The following RASIP1 variants were observed in gnomAD, a reference collection of about 807,000 sequenced individuals.
RASIP1 encodes Ras interacting protein 1, also known as ras-interacting protein 1.
A neutral mutation model predicts 85.3 loss-of-function variants in RASIP1; 20 were observed. That is an observed-to-expected ratio of 0.23 (90% CI 0.17 to 0.34). The LOEUF (loss-of-function observed/expected upper bound fraction) is 0.34. Among genes scored for constraint, RASIP1 ranks in the 10% least tolerant of loss-of-function variants. The pLI is 1.00. For synonymous variants in RASIP1, 617 were observed against 647.1 expected (o/e 0.95, Z 0.71); for missense variants, 1,170 against 1,390.9 (o/e 0.84, Z 2.53).
intron 3 of RASIP1, among the ~76,000 whole-genome samples, chr19:48,736,773 G>A (rs777017283): frequency 1.3e-5 from 2 of 152,162 alleles, no homozygotes; most frequent in African/African-American, 4.8e-5. Flanking sequence ...GGTGGCTCAC[G>A]CCTGTAATCC....
In RASIP1 at chr19:48,729,410, G is replaced by T. The variant is rs1296453000; in HGVS notation, c.1360C>A (p.Arg454=). Residue 454 remains arginine, a synonymous_variant, in exon 5 of 12, where the codon CGG becomes AGG. Coordinates refer to ENST00000222145, the MANE Select transcript of RASIP1 (RefSeq NM_017805.3). ...PEHPAMVRPS[R]GAPVTHNGCL... The stretch of plus-strand genomic sequence containing the variant: ...CCGTTGTGCGTGACTGGGGCGCCCC[G>T]GGACGGGCGCACCATGGCCGGGTGC... The T allele has an allele frequency of 1.3e-6, 2 of 1,557,036 alleles. No homozygotes were observed. Among genetic ancestry groups the T allele is most frequent in the Admixed American group, 3.9e-5 (2 of 51,572 alleles).
Position 48,720,920 on chromosome 19 carries a change from G to A in RASIP1, c.2770C>T (p.Pro924Ser). Reference protein sequence around the residue: ...LGSSRLRLTGPVTDDALHREL... With the variant: ...LGSSRLRLTGSVTDDALHREL... Reference sequence around the variant, plus strand: ...CGGTGCAAGGCATCGTCCGTCACTGGACCAGTGAGGCGCAGGCGCGAGCTC... The same window carrying A: ...CGGTGCAAGGCATCGTCCGTCACTGAACCAGTGAGGCGCAGGCGCGAGCTC... Residue 924 changes from proline (P) to serine (S), a missense_variant, in exon 12 of 12, where the codon CCA becomes TCA. Physicochemically the swap from Pro to Ser is moderately conservative, Grantham distance 74 (BLOSUM62 -1). This residue lies in a region of RASIP1 where 144 missense variants were observed against 125.5 expected (regional missense o/e 1.15). Transcript: ENST00000222145. The A allele has an allele frequency of 6.2e-7, 1 of 1,613,770 alleles. No homozygotes were observed.
intron 4 of RASIP1, among the ~76,000 whole-genome samples, chr19:48,731,555 C>T (rs1463690620): frequency 3.9e-5 from 6 of 152,174 alleles, no homozygotes; most frequent in African/African-American, 1.2e-4. Flanking sequence ...TGAAGACAGG[C>T]ATTCCAGAAG....
At chr19:48,736,630 G>A (rs2033578229) in intron 3 of RASIP1, among the ~76,000 whole-genome samples, 1 of 152,126 alleles carries the variant, frequency 6.6e-6, no homozygotes, top group Non-Finnish European at 1.5e-5. Context: ...GGCACCAAGG[G>A]GAAATGAGCT....
chr19:48,739,359 T>A lies in RASIP1; in HGVS notation c.424A>T (p.Thr142Ser). The change falls in exon 3 of 12, where the codon ACG becomes TCG. Residue 142 changes from threonine to serine, a missense_variant. Physicochemically the swap from Thr to Ser is moderately conservative, Grantham distance 58. This residue lies in a region of RASIP1 where 299 missense variants were observed against 394.4 expected (regional missense o/e 0.76). Coordinates refer to ENST00000222145, the MANE Select transcript of RASIP1 (RefSeq NM_017805.3). This position sits in a 1 kb window ranked among gnomAD's most constrained non-coding sequence, Gnocchi z 9.2. ...APEPPLATRA[T>S]APPGVLKIFG... is the part of the protein sequence containing the mutation. The stretch of plus-strand genomic sequence containing the variant: ...ATCTTGAGGACCCCCGGAGGCGCCG[T>A]GGCGCGGGTAGCCAGCGGGGGCTCG... 1 of 1,344,104 alleles carries A rather than the reference T, an allele frequency of 7.4e-7. No homozygotes were observed. Among genetic ancestry groups the A allele is most frequent in the Non-Finnish European group, 9.5e-7 (1 of 1,052,476 alleles). 83.3% of individuals were successfully genotyped at this position (1,344,104 alleles called of 1,614,324 possible). A position where few individuals can be genotyped will look rare whatever the true frequency, so the allele number is the denominator to read the frequency against.
At chr19:48,737,674 C>G (rs2033597859) in intron 3 of RASIP1, 1 of 985,396 alleles carries the variant, frequency 1.0e-6, no homozygotes, top group South Asian at 4.7e-5. Flanking sequence ...CCACATAGGC[C>G]CTGCTCAGTA....
chr19:48,727,287 G>A (rs955896345), intron 6 of RASIP1, 106 bp downstream of exon 6: 6 of 1,543,900 alleles, frequency 3.9e-6, no homozygotes, highest in Non-Finnish European at 5.3e-6. Flanking sequence ...TGAGCGCAAG[G>A]AGAAGCAGAA....
chr19:48,721,237 C>T (rs968630928), intron 11 of RASIP1, among the ~76,000 whole-genome samples: 2 of 152,038 alleles, frequency 1.3e-5, no homozygotes, highest in African/African-American at 2.4e-5. Flanking sequence ...CGAGAAAGGG[C>T]TGGGAACTTG....
rs1396336690 is a variant in RASIP1, at chr19:48,739,197, T to C, written c.586A>G (p.Ser196Gly). The C allele has an allele frequency of 6.8e-7, 1 of 1,477,880 alleles. No homozygotes were observed. Among genetic ancestry groups the C allele is most frequent in the Admixed American group, 2.3e-5 (1 of 43,124 alleles). The allele number at this position is 1,477,880 out of a possible 1,614,324, so 91.5% of individuals were successfully genotyped here. A position where few individuals can be genotyped will look rare whatever the true frequency, so the allele number is the denominator to read the frequency against. Residue 196 changes from serine (S) to glycine (G), a missense_variant, in exon 3 of 12, where the codon AGC becomes GGC. By Grantham distance (56) the Ser-to-Gly change is moderately conservative. Around this residue, in one of 4 missense-constraint regions of RASIP1, gnomAD observed 299 missense variants for 394.4 expected, o/e 0.76. Transcript: ENST00000222145. This position sits in a 1 kb window ranked among gnomAD's most constrained non-coding sequence, Gnocchi z 9.2. ...AGSPGGGPGESSCVDAFALCD... is the reference protein window; with the variant it reads ...AGSPGGGPGEGSCVDAFALCD... ...AAAGCGAAGGCGTCCACGCAGCTGC[T>C]CTCGCCGGGGCCACCGCCGGGGCTG...
chr19:48,732,851 C>T (rs2033488731), intron 4 of RASIP1, among the ~76,000 whole-genome samples: 2 of 152,176 alleles, frequency 1.3e-5, no homozygotes, highest in Non-Finnish European at 2.9e-5. Context: ...CCAATTGGAT[C>T]TTTCTGTGAC....
chr19:48,739,923 C>A lies in RASIP1; in HGVS notation c.137+223G>T, dbSNP rs1312385345. ...GAATCAATCCCCCTGCTCCTTCTGTCCCCGTCCCCGTGCCCATCCGGCCTC... is the reference window on the plus strand; with the variant it reads ...GAATCAATCCCCCTGCTCCTTCTGTACCCGTCCCCGTGCCCATCCGGCCTC... On this transcript the variant is annotated intron_variant, in intron 2 of 11. Coordinates refer to ENST00000222145, the MANE Select transcript of RASIP1 (RefSeq NM_017805.3). The surrounding 1 kb of genome is among the most constrained non-coding windows in gnomAD (Gnocchi z 9.2). Among the ~76,000 whole-genome samples, 1 of 152,144 alleles carries A rather than the reference C, an allele frequency of 6.6e-6. No individual in the cohort carries two copies. Among genetic ancestry groups the A allele is most frequent in the African/African-American group, 2.4e-5 (1 of 41,422 alleles).
intron 6 of RASIP1, 95 bp downstream of exon 6, chr19:48,727,298 A>G: frequency 6.5e-7 from 1 of 1,546,674 alleles, no homozygotes; most frequent in Non-Finnish European, 8.8e-7. Flanking sequence ...AGAAGCAGAA[A>G]CTTGCACTGG....
Position 48,739,894 on chromosome 19 carries a change from A to G in RASIP1, c.138-249T>C, listed in dbSNP as rs1472436244. 6.6e-6 allele frequency among the ~76,000 whole-genome samples: 1 copy of G among 151,928 alleles called. No individual in the cohort carries two copies. Among genetic ancestry groups the G allele is most frequent in the African/African-American group, 2.4e-5 (1 of 41,354 alleles). ...AGGTGAGCAGGGAGGGGAGGAAGGA[A>G]GGTGAATCAATCCCCCTGCTCCTTC... On this transcript the variant is annotated intron_variant, in intron 2 of 11. Transcript: ENST00000222145. The surrounding 1 kb of genome is among the most constrained non-coding windows in gnomAD (Gnocchi z 9.2).
At chr19:48,731,196 C>A (rs961768990) in intron 4 of RASIP1, among the ~76,000 whole-genome samples, 1 of 152,176 alleles carries the variant, frequency 6.6e-6, no homozygotes, top group Non-Finnish European at 1.5e-5. Context: ...ATCGCTTGAA[C>A]CTGGGAGGTG....
Position 48,729,057 on chromosome 19 carries a change from C to T in RASIP1, c.1713G>A (p.Pro571=), listed in dbSNP as rs764262855. 7.2e-6 allele frequency: 10 copies of T among 1,393,034 alleles called. No individual in the cohort carries two copies. The East Asian group carries it at 2.5e-4, about 35-fold the overall frequency. 86.3% of individuals were successfully genotyped at this position (1,393,034 alleles called of 1,614,324 possible). The change falls in exon 5 of 12, where the codon CCG becomes CCA. Residue 571 remains proline, a synonymous_variant. Coordinates refer to ENST00000222145, the MANE Select transcript of RASIP1 (RefSeq NM_017805.3). ...RAAAAGSGDL[P]PLGPATLLAL... is the part of the protein sequence containing the mutation. ...CCAGCAGCGTGGCGGGCCCGAGGGG[C>T]GGCAGGTCTCCCGAGCCGGCGGCTG...
intron 4 of RASIP1, 32 bp from the exon 5 acceptor site, chr19:48,729,622 T>G (rs562544207): frequency 6.5e-7 from 1 of 1,540,704 alleles, no homozygotes; most frequent in South Asian, 1.2e-5. Flanking sequence ...ACTAAGGACA[T>G]CACTTCAATC....
Position 48,720,865 on chromosome 19 carries a change from C to T in RASIP1, c.2825G>A (p.Trp942Ter), listed in dbSNP as rs1171733728. 2 of 1,613,950 alleles carry T rather than the reference C, an allele frequency of 1.2e-6. No individual in the cohort carries two copies. Among genetic ancestry groups the T allele is most frequent in the Non-Finnish European group, 1.7e-6 (2 of 1,180,030 alleles). The change falls in exon 12 of 12, where the codon TGG (tryptophan) becomes TAG (stop). Residue 942 changes from tryptophan to a stop codon, truncating the protein, a stop_gained. Coordinates refer to ENST00000222145, the MANE Select transcript of RASIP1 (RefSeq NM_017805.3). LOFTEE classifies it high-confidence loss of function. ...TGGCAGCTCCTGCTGCTCAAGATCC[C>T]AGAGGAGGCGGCGGAGCCTACGGAG... ...RELRRLRRLLWDLEQQELPAN... is the reference protein window; with the variant it reads ...RELRRLRRLL
chr19:48,735,954 C>G (rs2033562872), intron 3 of RASIP1, among the ~76,000 whole-genome samples: 1 of 151,710 alleles, frequency 6.6e-6, no homozygotes, highest in African/African-American at 2.4e-5. Context: ...CACCACAACG[C>G]CCGGTTAATT....
chr19:48,736,009 T>C (rs926302942), intron 3 of RASIP1, among the ~76,000 whole-genome samples: 2 of 151,710 alleles, frequency 1.3e-5, no homozygotes, highest in Non-Finnish European at 2.9e-5. Context: ...TTGGCCAGGC[T>C]GGTCTCGGAC....
Sources: gnomAD v4.1 joint callset for allele counts (sites outside exome capture counted in the v4.1 genomes callset) on GRCh38, gnomAD v4.1.1 for gene constraint, gnomAD v4.1.1 regional missense constraint, Gnocchi (gnomAD v3.1) non-coding constraint, MANE v1.5 for transcripts, NCBI Gene and HGNC (gene_info 2026-07-23, HGNC 2026-07-21) for gene names.